The following AGBL4 variants were observed in gnomAD, a reference collection of about 807,000 sequenced individuals.
AGBL4 encodes the protein AGBL carboxypeptidase 4.
In AGBL4, 58 loss-of-function variants were observed where a neutral mutation model predicts 66.4. That is an observed-to-expected ratio of 0.87 (90% CI 0.71 to 1.09). The LOEUF (loss-of-function observed/expected upper bound fraction) is 1.09, where lower values mean the gene tolerates loss of function less well. AGBL4 is among the 50% of genes least tolerant of loss of function. The pLI is 0.00. For missense variants in AGBL4, 579 were observed against 631.0 expected (o/e 0.92, Z 0.88); for synonymous variants, 234 against 222.9 (o/e 1.05, Z -0.44).
intron 2 of AGBL4, among the ~76,000 whole-genome samples, chr1:49,775,280 T>G (rs556924126): frequency 2.6e-5 from 4 of 152,288 alleles, no homozygotes; most frequent in African/African-American, 9.6e-5. Flanking sequence ...GGGATAATGA[T>G]GGTATCTACC....
At chr1:48,828,281 C>T (rs1347340120) in intron 6 of AGBL4, among the ~76,000 whole-genome samples, 11 of 152,088 alleles carry the variant, frequency 7.2e-5, no homozygotes. Context: ...CGGATTACTC[C>T]CCTCCTACCA....
chr1:49,496,031 C>A (rs954667772), intron 3 of AGBL4, among the ~76,000 whole-genome samples: 1 of 152,090 alleles, frequency 6.6e-6, no homozygotes, highest in South Asian at 2.1e-4. Context: ...AGGGCCTGTG[C>A]CTCCCACAGA....
chr1:49,766,264 G>C (rs1476968886), intron 2 of AGBL4, among the ~76,000 whole-genome samples: 1 of 152,142 alleles, frequency 6.6e-6, no homozygotes, highest in East Asian at 1.9e-4. Context: ...TTACAAGCCA[G>C]AAGAGATTAG....
intron 1 of AGBL4, among the ~76,000 whole-genome samples, chr1:49,854,321 G>A (rs1291150296): frequency 1.3e-5 from 2 of 151,950 alleles, no homozygotes; most frequent in African/African-American, 4.8e-5. Flanking sequence ...TGAAAGGAGA[G>A]AGAAGTGAAG....
At chr1:49,617,896 G>A (rs1023728461) in intron 3 of AGBL4, among the ~76,000 whole-genome samples, 6 of 152,166 alleles carry the variant, frequency 3.9e-5, no homozygotes, top group Non-Finnish European at 7.3e-5. Flanking sequence ...GAATACATGT[G>A]CAGAACATGC....
intron 3 of AGBL4, among the ~76,000 whole-genome samples, chr1:49,529,507 C>A (rs1650929103): frequency 6.6e-6 from 1 of 152,034 alleles, no homozygotes; most frequent in Non-Finnish European, 1.5e-5. Flanking sequence ...GGTGAAACCC[C>A]TTCTCTACTA....
At chr1:49,680,575 T>C (rs1646673659) in intron 3 of AGBL4, among the ~76,000 whole-genome samples, 1 of 152,162 alleles carries the variant, frequency 6.6e-6, no homozygotes, top group Admixed American at 6.5e-5. Context: ...TGATCTCTTA[T>C]TATAAAGCCT....
chr1:48,721,577 G>A (rs754771044), intron 6 of AGBL4, among the ~76,000 whole-genome samples: 5 of 152,132 alleles, frequency 3.3e-5, no homozygotes, highest in South Asian at 2.1e-4. Flanking sequence ...TCCCTGGCCC[G>A]GACTCCTCAC....
chr1:49,898,367 C>T (rs1467013323), intron 1 of AGBL4, among the ~76,000 whole-genome samples: 1 of 152,024 alleles, frequency 6.6e-6, no homozygotes, highest in East Asian at 1.9e-4. Flanking sequence ...AGAAAAGGTG[C>T]TCAAATTCAT....
intron 4 of AGBL4, among the ~76,000 whole-genome samples, chr1:49,088,145 G>A (rs1018855608): frequency 6.6e-6 from 1 of 152,220 alleles, no homozygotes; most frequent in South Asian, 2.1e-4. Flanking sequence ...TAAGTATATA[G>A]AGTATTGACA....
At chr1:49,892,436 T>G (rs918037544) in intron 1 of AGBL4, among the ~76,000 whole-genome samples, 7 of 152,228 alleles carry the variant, frequency 4.6e-5, no homozygotes, top group Non-Finnish European at 1.0e-4. Flanking sequence ...CTACTTAGTG[T>G]GCTAAATTAA....
intron 2 of AGBL4, among the ~76,000 whole-genome samples, chr1:49,831,546 C>T (rs912667863): frequency 2.6e-5 from 4 of 152,184 alleles, no homozygotes; most frequent in Non-Finnish European, 5.9e-5. Context: ...ACAATCATGT[C>T]AATATGCAAA....
intron 3 of AGBL4, among the ~76,000 whole-genome samples, chr1:49,347,105 C>T (rs1645646276): frequency 6.6e-6 from 1 of 152,062 alleles, no homozygotes; most frequent in Non-Finnish European, 1.5e-5. Context: ...ATTAACAATC[C>T]TTTGTCACAA....
intron 3 of AGBL4, among the ~76,000 whole-genome samples, chr1:49,380,483 G>A (rs1347782393): frequency 1.3e-5 from 2 of 151,860 alleles, no homozygotes; most frequent in African/African-American, 4.8e-5. Context: ...TCACAGAATT[G>A]GAAAAAACTA....
chr1:48,815,269 G>A (rs897469782), intron 6 of AGBL4, among the ~76,000 whole-genome samples: 2 of 152,102 alleles, frequency 1.3e-5, no homozygotes, highest in African/African-American at 4.8e-5. Context: ...CAACAATAAT[G>A]GTGAATTTTT....
chr1:49,371,286 T>TACATAC (rs1491563540), intron 3 of AGBL4, among the ~76,000 whole-genome samples: 1 of 145,722 alleles, frequency 6.9e-6, no homozygotes, highest in Admixed American at 6.8e-5. Flanking sequence ...CATACATACA[T>TACATAC]ACACACACAC....
At chr1:49,320,482 G>A (rs1344628527) in intron 3 of AGBL4, among the ~76,000 whole-genome samples, 1 of 152,174 alleles carries the variant, frequency 6.6e-6, no homozygotes, top group Non-Finnish European at 1.5e-5. Flanking sequence ...ATTCAATGTA[G>A]TGTGAAACAG....
chr1:49,021,890 T>C (rs1040787054), intron 5 of AGBL4, among the ~76,000 whole-genome samples: 1 of 152,110 alleles, frequency 6.6e-6, no homozygotes, highest in Admixed American at 6.6e-5. Flanking sequence ...GGGTCCAAAC[T>C]TTGTTTCAAC....
At chr1:49,153,727 G>T (rs1439108398) in intron 4 of AGBL4, among the ~76,000 whole-genome samples, 3 of 151,828 alleles carry the variant, frequency 2.0e-5, no homozygotes, top group Non-Finnish European at 4.4e-5. Context: ...TCTGGGCCTT[G>T]TTTTCCCATC....
Sources: allele counts gnomAD v4.1 joint callset (sites outside exome capture counted in the v4.1 genomes callset), GRCh38; gene constraint gnomAD v4.1.1; transcripts MANE v1.5; gene names NCBI Gene and HGNC (gene_info 2026-07-23, HGNC 2026-07-21).